The following BEGAIN variants were observed in gnomAD, a reference collection of about 807,000 sequenced individuals.
BEGAIN encodes brain-enriched guanylate kinase-associated protein.
A neutral mutation model predicts 35.8 loss-of-function variants in BEGAIN; 19 were observed. The ratio of observed to expected loss-of-function variants is 0.53; its 90% CI spans 0.37 to 0.78. The LOEUF is 0.78. Among genes scored for constraint, BEGAIN ranks in the 30% least tolerant of loss-of-function variants. The probability of loss-of-function intolerance (pLI) is 0.00; values close to 1 mark genes in which losing one functional copy is unlikely to be tolerated. For missense variants in BEGAIN, 795 were observed against 853.6 expected (o/e 0.93, Z 0.85); for synonymous variants, 462 against 388.6 (o/e 1.19, Z -2.22).
chr14:100,555,914 G>A (rs1014214601), intron 2 of BEGAIN, among the ~76,000 whole-genome samples: 5 of 152,186 alleles, frequency 3.3e-5, no homozygotes, highest in Non-Finnish European at 7.4e-5. Flanking sequence ...GACTCTGAAT[G>A]TCATCACCAT....
At chr14:100,578,631 G>T (rs183481115) in intron 1 of BEGAIN, among the ~76,000 whole-genome samples, 19 of 152,322 alleles carry the variant, frequency 1.2e-4, no homozygotes, top group Admixed American at 1.2e-3. Context: ...CTGCAGAAAA[G>T]ATCAGACAGC....
chr14:100,552,650 G>C (rs1475675658), intron 2 of BEGAIN, among the ~76,000 whole-genome samples: 1 of 152,236 alleles, frequency 6.6e-6, no homozygotes, highest in Non-Finnish European at 1.5e-5. Context: ...GGGGAGCCGT[G>C]ACCTGTGGGA....
At chr14:100,551,388 A>G (rs1411723831) in intron 2 of BEGAIN, among the ~76,000 whole-genome samples, 2 of 152,192 alleles carry the variant, frequency 1.3e-5, no homozygotes, top group East Asian at 1.9e-4. Context: ...AGGAGATCCA[A>G]CCTCTGCCTA....
chr14:100,571,426 G>A (rs1595147842), intron 1 of BEGAIN, among the ~76,000 whole-genome samples: 1 of 152,120 alleles, frequency 6.6e-6, no homozygotes, highest in Non-Finnish European at 1.5e-5. Context: ...AAACATGCCC[G>A]TCCACCCTTT....
intron 2 of BEGAIN, among the ~76,000 whole-genome samples, chr14:100,564,142 G>A (rs2034502650): frequency 6.6e-6 from 1 of 151,672 alleles, no homozygotes; most frequent in South Asian, 2.1e-4. Flanking sequence ...CTGTCTGTGG[G>A]GAAGGGTCTC....
chr14:100,585,463 T>A (rs908617117), intron 1 of BEGAIN, among the ~76,000 whole-genome samples: 4 of 143,950 alleles, frequency 2.8e-5, no homozygotes, highest in African/African-American at 1.0e-4. Flanking sequence ...CATCCATTCA[T>A]CCATCCATCC....
chr14:100,562,999 C>A (rs943089749), intron 2 of BEGAIN, among the ~76,000 whole-genome samples: 1 of 152,082 alleles, frequency 6.6e-6, no homozygotes, highest in South Asian at 2.1e-4. Flanking sequence ...GGGGCCCACG[C>A]GGGAGACTTG....
In BEGAIN at chr14:100,538,118, A is replaced by G. The variant is rs768364146; in HGVS notation, c.1690T>C (p.Leu564=). The change falls in exon 7 of 7, where the codon TTG becomes CTG. Residue 564 remains leucine, a synonymous_variant. Transcript: ENST00000554140. Reference sequence around the variant, plus strand: ...GAGGCCTCCATGGAGCTCGGCTCCAAGGAGTCCCTGGAACCCTGCTCGGGC... The same window carrying G: ...GAGGCCTCCATGGAGCTCGGCTCCAGGGAGTCCCTGGAACCCTGCTCGGGC... ...PEPEQGSRDS[L]EPSSMEASPE... 6.4e-6 allele frequency: 10 copies of G among 1,563,794 alleles called. No homozygotes were observed. The highest frequency in any genetic ancestry group is 5.6e-5 in the Admixed American group (3 of 53,852).
intron 1 of BEGAIN, chr14:100,577,878 G>T: frequency 2.5e-6 from 1 of 399,266 alleles, no homozygotes; most frequent in East Asian, 3.6e-5. Flanking sequence ...CGGGCTCCAG[G>T]AGGGAGCTGT....
intron 2 of BEGAIN, among the ~76,000 whole-genome samples, chr14:100,557,304 C>T (rs1350237415): frequency 6.6e-6 from 1 of 152,266 alleles, no homozygotes; most frequent in Non-Finnish European, 1.5e-5. Context: ...GAATGTGAGA[C>T]TCTGGCTCTG....
intron 2 of BEGAIN, among the ~76,000 whole-genome samples, chr14:100,553,764 C>G (rs1213859403): frequency 2.0e-5 from 3 of 152,234 alleles, no homozygotes; most frequent in Non-Finnish European, 4.4e-5. Flanking sequence ...ACTGCCTGTG[C>G]TGGACAACCC....
intron 2 of BEGAIN, among the ~76,000 whole-genome samples, chr14:100,562,687 T>A (rs1595137222): frequency 1.3e-5 from 2 of 151,992 alleles, no homozygotes; most frequent in East Asian, 3.9e-4. Flanking sequence ...CACCTGCTGC[T>A]CCCTCTGCCT....
chr14:100,544,910 G>T, intron 4 of BEGAIN, 90 bp downstream of exon 4: 1 of 1,303,730 alleles, frequency 7.7e-7, no homozygotes, highest in Non-Finnish European at 1.1e-6. Context: ...CTGTGTCCCA[G>T]CTCCTGAGTG....
At chr14:100,587,226 C>A (rs2035465881) in intron 1 of BEGAIN, 23 bp downstream of exon 1, 3 of 190,420 alleles carry the variant, frequency 1.6e-5, no homozygotes, top group Non-Finnish European at 2.1e-5. Flanking sequence ...CGCGCCCTGC[C>A]CTCCCGGCTC....
intron 2 of BEGAIN, among the ~76,000 whole-genome samples, chr14:100,551,940 A>G (rs2033244880): frequency 6.6e-6 from 1 of 152,130 alleles, no homozygotes; most frequent in African/African-American, 2.4e-5. Flanking sequence ...TCCCAGGTCT[A>G]CCCTCAGCAA....
Position 100,538,708 on chromosome 14 carries a change from C to T in BEGAIN, c.1100G>A (p.Arg367His). The T allele has an allele frequency of 2.6e-6, 4 of 1,561,800 alleles. No homozygotes were observed. Among genetic ancestry groups the T allele is most frequent in the Non-Finnish European group, 2.6e-6 (3 of 1,153,396 alleles). The part of the protein sequence containing the change: ...PPATTYEGSP[R>H]FAKATAAVAA... The stretch of plus-strand genomic sequence containing the variant: ...CACCGCGGCCGTGGCCTTGGCAAAG[C>T]GAGGGCTGCCCTCGTAGGTGGTGGC... The change falls in exon 7 of 7, where the codon CGC becomes CAC. Residue 367 changes from arginine (R) to histidine (H), a missense_variant. By Grantham distance (29) the Arg-to-His change is conservative. This residue lies in a region of BEGAIN where 664 missense variants were observed against 647.7 expected (regional missense o/e 1.03). Coordinates refer to ENST00000554140, the MANE Select transcript of BEGAIN (RefSeq NM_001385089.1).
rs1373253743 is a variant in BEGAIN at position 100,573,388 on chromosome 14, G to A, written c.43-5449C>T. On this transcript the variant is annotated intron_variant, in intron 1 of 6. Transcript: ENST00000554140. This position sits in a 1 kb window ranked among gnomAD's most constrained non-coding sequence, Gnocchi z 4.2. Reference sequence around the variant, plus strand: ...TGCCTGGTGAGTTGGGAAGCATCCCGGTCACCAGTGGGAAGGAGCAGCTGG... The same window carrying A: ...TGCCTGGTGAGTTGGGAAGCATCCCAGTCACCAGTGGGAAGGAGCAGCTGG... Among the ~76,000 whole-genome samples the A allele has an allele frequency of 6.6e-6, 1 of 152,068 alleles. No individual in the cohort carries two copies. Among genetic ancestry groups the A allele is most frequent in the East Asian group, 1.9e-4 (1 of 5,166 alleles).
At chr14:100,584,146 T>G (rs1356571974) in intron 1 of BEGAIN, among the ~76,000 whole-genome samples, 1 of 152,194 alleles carries the variant, frequency 6.6e-6, no homozygotes, top group Non-Finnish European at 1.5e-5. Flanking sequence ...ATGCACCCAC[T>G]GTGGGATGAC....
rs1012286376 is a variant in BEGAIN, at chr14:100,567,238, A to G, written c.71+673T>C. 3.9e-5 allele frequency among the ~76,000 whole-genome samples: 6 copies of G among 152,094 alleles called. No homozygotes were observed. Among genetic ancestry groups the G allele is most frequent in the Non-Finnish European group, 8.8e-5 (6 of 68,002 alleles). On this transcript the variant is annotated intron_variant, in intron 2 of 6. Coordinates refer to ENST00000554140, the MANE Select transcript of BEGAIN (RefSeq NM_001385089.1). This position sits in a 1 kb window ranked among gnomAD's most constrained non-coding sequence, Gnocchi z 5.1. ...AGGGGAAGTCGTGGAGGAAGTGGCA[A>G]ATATTCAAACTGGCTGATCCCAGGC...
Sources: allele counts gnomAD v4.1 joint callset (sites outside exome capture counted in the v4.1 genomes callset), GRCh38; gene constraint gnomAD v4.1.1; regional missense constraint gnomAD v4.1.1; non-coding constraint Gnocchi (gnomAD v3.1); transcripts MANE v1.5; gene names NCBI Gene and HGNC (gene_info 2026-07-23, HGNC 2026-07-21).